Variants in STARD13 observed in about 807,000 individuals in gnomAD.
STARD13 encodes stAR-related lipid transfer protein 13.
Under a neutral mutation model 106.4 loss-of-function variants are expected in STARD13, and 62 were observed. The observed-to-expected ratio is 0.58, with a 90% CI of 0.48 to 0.72. The LOEUF is 0.72. STARD13 is among the 30% of genes least tolerant of loss of function. STARD13 has a pLI of 0.00. For synonymous variants in STARD13, 565 were observed against 553.0 expected (o/e 1.02, Z -0.31); for missense variants, 1,387 against 1,424.0 (o/e 0.97, Z 0.42).
chr13:33,269,413 C>T (rs774307611), intron 1 of STARD13, among the ~76,000 whole-genome samples: 22 of 152,180 alleles, frequency 1.4e-4, no homozygotes, highest in Non-Finnish European at 2.5e-4. Flanking sequence ...CATCCCTCAT[C>T]AGATAATGTG....
the STARD13 span, among the ~76,000 whole-genome samples, chr13:33,484,140 C>T: frequency 1.3e-5 from 2 of 152,196 alleles, no homozygotes; most frequent in Non-Finnish European, 2.9e-5. Context: ...CCTTTAACCT[C>T]CAAACTGCCC....
chr13:33,599,710 G>A, the STARD13 span, among the ~76,000 whole-genome samples: 1 of 152,184 alleles, frequency 6.6e-6, no homozygotes, highest in Non-Finnish European at 1.5e-5. Flanking sequence ...ATGAGAGAGA[G>A]AGTGAGAGGG....
chr13:33,447,211 C>A, the STARD13 span, among the ~76,000 whole-genome samples: 1 of 152,208 alleles, frequency 6.6e-6, no homozygotes, highest in African/African-American at 2.4e-5. Flanking sequence ...ATGCAAGAAA[C>A]CGCAAGGACC....
the STARD13 span, among the ~76,000 whole-genome samples, chr13:33,632,667 A>G: frequency 6.6e-6 from 1 of 152,138 alleles, no homozygotes; most frequent in African/African-American, 2.4e-5. Flanking sequence ...CATATATTTT[A>G]TTTTCTAGCC....
At chr13:33,416,584 G>A in the STARD13 span, among the ~76,000 whole-genome samples, 1 of 152,194 alleles carries the variant, frequency 6.6e-6, no homozygotes, top group Non-Finnish European at 1.5e-5. Context: ...CAACAAGAGT[G>A]TCATTTCAAT....
chr13:33,381,296 C>A, the STARD13 span, among the ~76,000 whole-genome samples: 1 of 152,098 alleles, frequency 6.6e-6, no homozygotes, highest in Non-Finnish European at 1.5e-5. Context: ...TTGCTCCCTA[C>A]CCCCTACAAA....
At chr13:33,534,086 T>C in the STARD13 span, among the ~76,000 whole-genome samples, 1 of 152,206 alleles carries the variant, frequency 6.6e-6, no homozygotes, top group Non-Finnish European at 1.5e-5. Context: ...GGTATCACAA[T>C]AGGAATGCTC....
chr13:33,560,585 A>G, the STARD13 span, among the ~76,000 whole-genome samples: 1 of 151,438 alleles, frequency 6.6e-6, no homozygotes, highest in Admixed American at 6.6e-5. Flanking sequence ...CATTGTTGCA[A>G]AATGAATTTG....
the STARD13 span, among the ~76,000 whole-genome samples, chr13:33,615,137 T>A: frequency 6.6e-6 from 1 of 152,092 alleles, no homozygotes; most frequent in East Asian, 1.9e-4. Context: ...ACTAATGAAT[T>A]TAAGTGGGAT....
At chr13:33,508,753 T>C in the STARD13 span, among the ~76,000 whole-genome samples, 1 of 152,216 alleles carries the variant, frequency 6.6e-6, no homozygotes, top group African/African-American at 2.4e-5. Context: ...TATACAGTCA[T>C]GTGTTGCTTA....
At chr13:33,672,120 A>T in the STARD13 span, among the ~76,000 whole-genome samples, 1 of 152,256 alleles carries the variant, frequency 6.6e-6, no homozygotes, top group South Asian at 2.1e-4. Flanking sequence ...ACCAACCCAA[A>T]TGCCCATCAA....
At chr13:33,344,547 C>T (rs749584729), downstream of STARD13, among the ~76,000 whole-genome samples, 35 of 152,298 alleles carry the variant, frequency 2.3e-4, 1 homozygote, top group Non-Finnish European at 4.1e-4. Flanking sequence ...TCTTGCTTTG[C>T]ATTGAAGTCC....
chr13:33,435,102 TG>T, the STARD13 span, among the ~76,000 whole-genome samples: 14 of 152,190 alleles, frequency 9.2e-5, no homozygotes, highest in African/African-American at 3.1e-4. Context: ...AGCTAAGTTA[TG>T]GGACAGCAAT....
intron 1 of STARD13, among the ~76,000 whole-genome samples, chr13:33,237,147 T>C (rs1409842239): frequency 6.6e-6 from 1 of 152,212 alleles, no homozygotes; most frequent in African/African-American, 2.4e-5. Context: ...TTTCTCCTAG[T>C]CATATCCTAA....
the STARD13 span, among the ~76,000 whole-genome samples, chr13:33,641,150 T>G: frequency 6.6e-6 from 1 of 152,236 alleles, no homozygotes; most frequent in Non-Finnish European, 1.5e-5. Context: ...TGAGCATGCA[T>G]TCCTTCATTC....
chr13:33,247,288 T>C (rs1889874043), intron 1 of STARD13, among the ~76,000 whole-genome samples: 2 of 152,032 alleles, frequency 1.3e-5, no homozygotes, highest in East Asian at 1.9e-4. Context: ...GCTTGGTTTG[T>C]CTGGAGCCAA....
chr13:33,120,128 TTATCCTCA>T (rs1262803354), intron 7 of STARD13, among the ~76,000 whole-genome samples: 1 of 152,244 alleles, frequency 6.6e-6, no homozygotes, highest in Non-Finnish European at 1.5e-5. Flanking sequence ...TCACAAATAT[TTATCCTCA>T]TATGAGCAGG....
intron 1 of STARD13, among the ~76,000 whole-genome samples, chr13:33,176,219 A>C (rs1463787841): frequency 6.6e-6 from 1 of 152,186 alleles, no homozygotes; most frequent in African/African-American, 2.4e-5. Context: ...CTCAAGTATA[A>C]TCCTATTATC....
At chr13:33,177,461 G>C (rs1376490036) in intron 1 of STARD13, among the ~76,000 whole-genome samples, 1 of 152,100 alleles carries the variant, frequency 6.6e-6, no homozygotes, top group African/African-American at 2.4e-5. Context: ...TCTATTGTAA[G>C]ATTTTGGTGA....
Sources: gnomAD v4.1 joint callset for allele counts (sites outside exome capture counted in the v4.1 genomes callset) on GRCh38, gnomAD v4.1.1 for gene constraint, MANE v1.5 for transcripts, NCBI Gene and HGNC (gene_info 2026-07-23, HGNC 2026-07-21) for gene names.